The following PPIE variants were observed in gnomAD, a reference collection of about 807,000 sequenced individuals.
PPIE encodes peptidyl-prolyl cis-trans isomerase E.
A neutral mutation model predicts 38.4 loss-of-function variants in PPIE; 20 were observed. The ratio of observed to expected loss-of-function variants is 0.52; its 90% CI spans 0.37 to 0.76. PPIE has a LOEUF of 0.76. PPIE is among the 30% of genes least tolerant of loss of function. The pLI is 0.00. For synonymous variants in PPIE, 142 were observed against 135.7 expected (o/e 1.05, Z -0.32); for missense variants, 322 against 385.8 (o/e 0.83, Z 1.39).
rs927463948 is a variant in PPIE at position 39,753,228 on chromosome 1, T to C, written c.838-59T>C. 12 of 1,600,182 alleles carry C rather than the reference T, an allele frequency of 7.5e-6. 1 individual carries two copies. Among genetic ancestry groups the C allele is most frequent in the Middle Eastern group, 1.7e-4 (1 of 6,042 alleles). The stretch of plus-strand genomic sequence containing the variant: ...GGGCAAATGGGCAGGCAGGGGTTGG[T>C]ATCCCTAAACCACTGTTAGTCTCCG... On this transcript the variant is annotated intron_variant, in intron 9 of 9. Coordinates refer to ENST00000324379, the MANE Select transcript of PPIE (RefSeq NM_006112.4).
Position 39,748,954 on chromosome 1 carries a change from G to A in PPIE, c.560G>A (p.Ser187Asn), listed in dbSNP as rs1647405025. Reference sequence around the variant, plus strand: ...GAAAAGGGCTTTGGCTTTAAGGGAAGCAGCTTCCACCGCATCATCCCCCAG... The same window carrying A: ...GAAAAGGGCTTTGGCTTTAAGGGAAACAGCTTCCACCGCATCATCCCCCAG... ...THEKGFGFKG[S>N]SFHRIIPQFM... The change falls in exon 8 of 10, where the codon AGC becomes AAC. Residue 187 changes from serine (S) to asparagine (N), a missense_variant. Physicochemically the swap from Ser to Asn is conservative, Grantham distance 46. Transcript: ENST00000324379. 1.2e-6 allele frequency: 2 copies of A among 1,614,180 alleles called. No individual in the cohort carries two copies. Among genetic ancestry groups the A allele is most frequent in the African/African-American group, 1.3e-5 (1 of 75,040 alleles).
rs949964755 is a variant in PPIE at position 39,744,251 on chromosome 1, C to G, written c.384+327C>G. On this transcript the variant is annotated intron_variant, in intron 6 of 9. Coordinates refer to ENST00000324379, the MANE Select transcript of PPIE (RefSeq NM_006112.4). Reference sequence around the variant, plus strand: ...CCCCTCTTCACCCCTCCTGATCAGTCCCCCTCCTTCACTGAAGAGTTTGCC... The same window carrying G: ...CCCCTCTTCACCCCTCCTGATCAGTGCCCCTCCTTCACTGAAGAGTTTGCC... 2.6e-5 allele frequency among the ~76,000 whole-genome samples: 4 copies of G among 152,174 alleles called. No homozygotes were observed. The East Asian group carries it at 5.8e-4, about 22-fold the overall frequency.
downstream of PPIE, chr1:39,757,999 C>T (rs970368427): frequency 5.9e-5 from 9 of 152,322 alleles, no homozygotes; most frequent in Middle Eastern, 3.4e-3. Context: ...CTATGCACAG[C>T]TTGATTAATG....
rs544230696 is a variant in PPIE at position 39,741,506 on chromosome 1, T to C, written c.174+97T>C. 2.1e-5 allele frequency: 26 copies of C among 1,246,478 alleles called. No homozygotes were observed. In the African/African-American group the frequency reaches 3.3e-4, roughly 16 times the overall value. The allele number at this position is 1,246,478 out of a possible 1,614,324, so 77.2% of individuals were successfully genotyped here. ...ACCATTTGGTTAGGTTTTTGGGCCT[T>C]AGGCTGATGCTTCCAGAGAGATCAG... On this transcript the variant is annotated intron_variant, in intron 3 of 9. Transcript: ENST00000324379.
At position 39,755,141 on chromosome 1, in the gene PPIE, AAG is replaced by A; in HGVS notation, c.*1788_*1789del. ...GATGCTGGTCAGCCAGGCGGTTATAAAGAATCTCATCTGCTGAAGGCTTTTAG... is the reference window on the plus strand; with the variant it reads ...GATGCTGGTCAGCCAGGCGGTTATAAAATCTCATCTGCTGAAGGCTTTTAG... On this transcript the variant is annotated 3_prime_UTR_variant, in exon 10 of 10. Coordinates refer to ENST00000324379, the MANE Select transcript of PPIE (RefSeq NM_006112.4). The A allele has an allele frequency of 1.0e-6, 1 of 985,414 alleles. No individual in the cohort carries two copies. Among genetic ancestry groups the A allele is most frequent in the Non-Finnish European group, 1.2e-6 (1 of 829,930 alleles). The allele number at this position is 985,414 out of a possible 1,614,324, so 61.0% of individuals were successfully genotyped here. A position where few individuals can be genotyped will look rare whatever the true frequency, so the allele number is the denominator to read the frequency against.
intron 8 of PPIE, among the ~76,000 whole-genome samples, chr1:39,751,176 A>G (rs190483639): frequency 6.6e-6 from 1 of 152,246 alleles, no homozygotes; most frequent in Non-Finnish European, 1.5e-5. Context: ...TTAGAGTCCA[A>G]AGTAAAGAAT....
chr1:39,742,956 CATTT>C (rs1034549021), intron 4 of PPIE: 1 of 310,040 alleles, frequency 3.2e-6, no homozygotes, highest in African/African-American at 2.1e-5. Context: ...TGGGAAACTG[CATTT>C]ATTTTTGTAA....
intron 4 of PPIE, 159 bp from the exon 5 acceptor site, chr1:39,743,057 A>G: frequency 1.7e-6 from 1 of 596,456 alleles, no homozygotes; most frequent in South Asian, 2.1e-5. Context: ...AGTTCCCTGA[A>G]ACCCACAGGT....
chr1:39,753,612 T>C lies in PPIE; in HGVS notation c.*257T>C. 1 of 1,324,192 alleles carries C rather than the reference T, an allele frequency of 7.6e-7. No individual in the cohort carries two copies. Among genetic ancestry groups the C allele is most frequent in the Non-Finnish European group, 9.6e-7 (1 of 1,040,268 alleles). 82.0% of individuals were successfully genotyped at this position (1,324,192 alleles called of 1,614,324 possible). Reference sequence around the variant, plus strand: ...GCAGGCTGTGCAAAAAGCCACTGGCTTTTCTCAGCATTTGCTGCTGGGCCT... The same window carrying C: ...GCAGGCTGTGCAAAAAGCCACTGGCCTTTCTCAGCATTTGCTGCTGGGCCT... On this transcript the variant is annotated 3_prime_UTR_variant, in exon 10 of 10. Coordinates refer to ENST00000324379, the MANE Select transcript of PPIE (RefSeq NM_006112.4).
intron 7 of PPIE, chr1:39,748,557 T>G: frequency 4.2e-6 from 1 of 235,786 alleles, no homozygotes. Flanking sequence ...GCCAACATAG[T>G]GAAACCCCAT....
chr1:39,751,670 T>C (rs1484107287), intron 8 of PPIE, among the ~76,000 whole-genome samples: 3 of 152,136 alleles, frequency 2.0e-5, no homozygotes, highest in Non-Finnish European at 2.9e-5. Context: ...TCTAGCAGGA[T>C]GTTTGTAAGG....
Position 39,741,928 on chromosome 1 carries a change from C to T in PPIE, c.201+7C>T, listed in dbSNP as rs755551786. On this transcript the variant is annotated splice_region_variant and intron_variant, in intron 4 of 9. Transcript: ENST00000324379. Reference sequence around the variant, plus strand: ...AGCAGCTATCGACAACATGGTATGGCTGGGAATCTTAATTCTAACTAAAGT... The same window carrying T: ...AGCAGCTATCGACAACATGGTATGGTTGGGAATCTTAATTCTAACTAAAGT... 3 of 1,614,182 alleles carry T rather than the reference C, an allele frequency of 1.9e-6. No homozygotes were observed. Among genetic ancestry groups the T allele is most frequent in the Admixed American group, 1.7e-5 (1 of 60,030 alleles).
chr1:39,743,289 C>G lies in PPIE; in HGVS notation c.275C>G (p.Ser92Cys). The G allele has an allele frequency of 6.2e-7, 1 of 1,614,024 alleles. No homozygotes were observed. The highest frequency in any genetic ancestry group is 8.5e-7 in the Non-Finnish European group (1 of 1,179,888). Residue 92 changes from serine to cysteine, a missense_variant, in exon 5 of 10, where the codon TCC becomes TGC. Coordinates refer to ENST00000324379, the MANE Select transcript of PPIE (RefSeq NM_006112.4). ...AKPMRIKEGS[S>C]RPVWSDDDWL... Reference sequence around the variant, plus strand: ...CCAATGAGAATTAAGGAAGGCTCTTCCAGGCCAGGTGAGTAGGAGCAACTT... The same window carrying G: ...CCAATGAGAATTAAGGAAGGCTCTTGCAGGCCAGGTGAGTAGGAGCAACTT...
At chr1:39,761,430 AC>A (rs1231491050), downstream of PPIE, 2 of 79,686 alleles carry the variant, frequency 2.5e-5, no homozygotes, top group African/African-American at 5.0e-5. Context: ...CACCACCCCC[AC>A]CCCCAATCCC....
At chr1:39,740,858 A>T (rs946402319) in intron 2 of PPIE, among the ~76,000 whole-genome samples, 1 of 152,214 alleles carries the variant, frequency 6.6e-6, no homozygotes, top group African/African-American at 2.4e-5. Context: ...TTGCAAAATG[A>T]TAAGGTTATG....
intron 8 of PPIE, 110 bp downstream of exon 8, chr1:39,749,198 A>T: frequency 8.6e-7 from 1 of 1,168,648 alleles, no homozygotes; most frequent in Non-Finnish European, 1.2e-6. Context: ...AAGAGTCTGG[A>T]GGAGACCCAG....
chr1:39,741,594 T>G (rs1647058578), intron 3 of PPIE, 185 bp downstream of exon 3: 1 of 673,078 alleles, frequency 1.5e-6, no homozygotes, highest in Non-Finnish European at 2.5e-6. Flanking sequence ...GAATAACATG[T>G]CAGACCTGCC....
Position 39,750,136 on chromosome 1 carries a change from A to G in PPIE, c.694+1048A>G, listed in dbSNP as rs893457751. Among the ~76,000 whole-genome samples the G allele has an allele frequency of 7.3e-4, 107 of 146,968 alleles. 2 individuals are homozygous for G. The highest frequency in any genetic ancestry group is 1.4e-3 in the Non-Finnish European group (90 of 66,012). On this transcript the variant is annotated intron_variant, in intron 8 of 9. Transcript: ENST00000324379. ...CAACAAGAGCGAAACTCCGTCTCGG[A>G]AAAAAAAAAACAAACTTCATCCTTG... is the stretch of plus-strand genomic sequence containing the variant.
chr1:39,743,915 G>A lies in PPIE; in HGVS notation c.375G>A (p.Glu125=), dbSNP rs1341366078. ...AAGGGTCAGAGCCTCCCAAAGCAGA[G>A]ACCCAGGAGGTGAGAATGAAGCTCC... ...EEEGSEPPKA[E]TQEGEPIAKK... is the part of the protein sequence containing the mutation. The change falls in exon 6 of 10, where the codon GAG becomes GAA. Residue 125 remains glutamate (E), a synonymous_variant. Coordinates refer to ENST00000324379, the MANE Select transcript of PPIE (RefSeq NM_006112.4). 1 of 1,611,470 alleles carries A rather than the reference G, an allele frequency of 6.2e-7. No individual in the cohort carries two copies. Among genetic ancestry groups the A allele is most frequent in the Non-Finnish European group, 8.5e-7 (1 of 1,178,682 alleles).
Sources: allele counts gnomAD v4.1 joint callset (sites outside exome capture counted in the v4.1 genomes callset), GRCh38; gene constraint gnomAD v4.1.1; transcripts MANE v1.5; gene names NCBI Gene and HGNC (gene_info 2026-07-23, HGNC 2026-07-21).